The following DAB1 variants were observed in gnomAD, a reference collection of about 807,000 sequenced individuals.
DAB1 encodes DAB adaptor protein 1, also known as disabled homolog 1.
DAB1 carries 15 observed loss-of-function variants against 64.6 expected under a neutral mutation model. That is an observed-to-expected ratio of 0.23 (90% CI 0.16 to 0.36). DAB1 has a LOEUF of 0.36. Ranked by LOEUF, DAB1 falls within the 10% of genes least tolerant of loss-of-function variation. The pLI, the probability that DAB1 is intolerant of heterozygous loss-of-function variation, is 1.00. For missense variants in DAB1, 596 were observed against 706.7 expected (o/e 0.84, Z 1.78); for synonymous variants, 235 against 251.9 (o/e 0.93, Z 0.64).
chr1:57,633,148 T>A (rs1255507256), intron 7 of DAB1, among the ~76,000 whole-genome samples: 1 of 152,190 alleles, frequency 6.6e-6, no homozygotes, highest in Non-Finnish European at 1.5e-5. Context: ...GTCACTTTAG[T>A]TGTGGCTTGA....
At chr1:57,637,027 G>A (rs953775882) in intron 7 of DAB1, among the ~76,000 whole-genome samples, 10 of 152,272 alleles carry the variant, frequency 6.6e-5, no homozygotes, top group South Asian at 2.1e-4. Flanking sequence ...GGGTCTTTGC[G>A]TATTCTTCAG....
intron 6 of DAB1, among the ~76,000 whole-genome samples, chr1:57,735,609 GTTTTTTTTTTTT>G (rs59456674): frequency 3.2e-5 from 3 of 95,198 alleles, no homozygotes; most frequent in African/African-American, 4.2e-5. Context: ...CTGTTTGCTT[GTTTTTTTTTTTT>G]TTTTTTTTTT....
At chr1:57,935,221 AT>A (rs1645008517) in intron 5 of DAB1, among the ~76,000 whole-genome samples, 1 of 152,178 alleles carries the variant, frequency 6.6e-6, no homozygotes, top group Non-Finnish European at 1.5e-5. Context: ...GAGGGACTGG[AT>A]TTGACTCCTG....
At chr1:57,119,553 TC>T (rs1204046204) in intron 4 of DAB1, among the ~76,000 whole-genome samples, 4 of 152,316 alleles carry the variant, frequency 2.6e-5, no homozygotes, top group Admixed American at 2.6e-4. Flanking sequence ...GTATAATGCA[TC>T]TTTCTTATCA....
At chr1:58,091,732 C>A (rs779768922) in intron 5 of DAB1, among the ~76,000 whole-genome samples, 13 of 152,074 alleles carry the variant, frequency 8.5e-5, no homozygotes, top group South Asian at 2.1e-4. Context: ...TTATTCACAC[C>A]ATTCTGCTAA....
At chr1:57,274,273 C>T (rs550014798) in intron 2 of DAB1, among the ~76,000 whole-genome samples, 29 of 152,192 alleles carry the variant, frequency 1.9e-4, no homozygotes, top group African/African-American at 6.7e-4. Flanking sequence ...CTAAATAGCC[C>T]GCAAATTATC....
At chr1:57,826,411 A>G (rs1191953762) in exon 2 of DAB1, 2 of 152,242 alleles carry the variant, frequency 1.3e-5, no homozygotes, top group African/African-American at 4.8e-5. Flanking sequence ...CAAGCTGAGA[A>G]CATTAGGGAA....
At chr1:57,331,680 T>G (rs1346969269) in intron 1 of DAB1, among the ~76,000 whole-genome samples, 1 of 152,224 alleles carries the variant, frequency 6.6e-6, no homozygotes. Context: ...CAGATGAACA[T>G]TCCTGAGAAA....
chr1:57,325,279 C>A (rs1245931768), intron 1 of DAB1, among the ~76,000 whole-genome samples: 2 of 152,236 alleles, frequency 1.3e-5, no homozygotes, highest in African/African-American at 2.4e-5. Context: ...GCCCCCTGTT[C>A]TGGGCTCTTA....
intron 4 of DAB1, among the ~76,000 whole-genome samples, chr1:58,156,251 T>C (rs1655222667): frequency 6.6e-6 from 1 of 152,204 alleles, no homozygotes; most frequent in African/African-American, 2.4e-5. Context: ...TGAGATGAAG[T>C]GATTGGGTCC....
intron 5 of DAB1, among the ~76,000 whole-genome samples, chr1:58,123,769 C>T (rs1003623721): frequency 4.6e-5 from 7 of 152,110 alleles, no homozygotes; most frequent in Non-Finnish European, 4.4e-5. Context: ...TCTTCTGGCT[C>T]TGTTCGTAAA....
chr1:58,215,458 A>C (rs1658802012), intron 4 of DAB1, among the ~76,000 whole-genome samples: 1 of 150,038 alleles, frequency 6.7e-6, no homozygotes, highest in African/African-American at 2.5e-5. Flanking sequence ...TAATATATGT[A>C]TTAGATGTTC....
intron 3 of DAB1, among the ~76,000 whole-genome samples, chr1:58,370,863 G>A (rs1401889559): frequency 6.6e-6 from 1 of 152,158 alleles, no homozygotes; most frequent in African/African-American, 2.4e-5. Context: ...ATGATTCTAA[G>A]TTTCCTGAGG....
At chr1:57,854,866 G>A (rs1455060313) in intron 1 of DAB1, among the ~76,000 whole-genome samples, 1 of 152,060 alleles carries the variant, frequency 6.6e-6, no homozygotes, top group Non-Finnish European at 1.5e-5. Flanking sequence ...TCTTCATGTG[G>A]GTTAATTCTG....
At chr1:57,926,491 G>C (rs915411768) in intron 5 of DAB1, among the ~76,000 whole-genome samples, 1 of 152,116 alleles carries the variant, frequency 6.6e-6, no homozygotes, top group Admixed American at 6.5e-5. Context: ...AGGTGTCAAG[G>C]GCCTTGGAGT....
intron 6 of DAB1, among the ~76,000 whole-genome samples, chr1:57,788,046 C>T (rs866606454): frequency 4.6e-5 from 7 of 151,426 alleles, no homozygotes; most frequent in African/African-American, 9.7e-5. Context: ...GCAAGTGGAA[C>T]TCTCAAATAC....
intron 7 of DAB1, among the ~76,000 whole-genome samples, chr1:57,513,124 T>A (rs551872150): frequency 1.2e-4 from 17 of 146,926 alleles, no homozygotes; most frequent in African/African-American, 4.3e-4. Context: ...TAGGCACTGG[T>A]TCGTCTGAAT....
At chr1:57,993,421 G>A (rs565563805) in intron 5 of DAB1, among the ~76,000 whole-genome samples, 105 of 152,158 alleles carry the variant, frequency 6.9e-4, no homozygotes, top group African/African-American at 2.2e-3. Flanking sequence ...CCCCATCCTC[G>A]GAGAGCTGCT....
intron 5 of DAB1, among the ~76,000 whole-genome samples, chr1:58,003,998 A>C (rs978164135): frequency 1.3e-5 from 2 of 152,196 alleles, no homozygotes; most frequent in African/African-American, 4.8e-5. Flanking sequence ...TTCCAGACCT[A>C]GTGCTAGGCC....
Sources: allele counts gnomAD v4.1 joint callset (sites outside exome capture counted in the v4.1 genomes callset), GRCh38; gene constraint gnomAD v4.1.1; transcripts MANE v1.5; gene names NCBI Gene and HGNC (gene_info 2026-07-23, HGNC 2026-07-21).